The following MARK2 variants were observed in gnomAD, a reference collection of about 807,000 sequenced individuals.
MARK2 encodes serine/threonine-protein kinase MARK2.
In MARK2, 16 loss-of-function variants were observed where a neutral mutation model predicts 89.8. The observed-to-expected ratio is 0.18, with a 90% CI of 0.12 to 0.27. The LOEUF is 0.27. Ranked by LOEUF, MARK2 falls within the 10% of genes least tolerant of loss-of-function variation. The probability of loss-of-function intolerance (pLI) is 1.00; values close to 1 mark genes in which losing one functional copy is unlikely to be tolerated. For synonymous variants in MARK2, 382 were observed against 399.5 expected (o/e 0.96, Z 0.52); for missense variants, 621 against 1,049.9 (o/e 0.59, Z 5.65).
Position 63,902,477 on chromosome 11 carries a change from C to A in MARK2, c.1235-124C>A. Reference sequence around the variant, plus strand: ...GGCTATGGGCAAGCCACTTCCCTTCCCTCGCCTCTGTGGAATGGGGGCTTG... The same window carrying A: ...GGCTATGGGCAAGCCACTTCCCTTCACTCGCCTCTGTGGAATGGGGGCTTG... On this transcript the variant is annotated intron_variant, in intron 12 of 18. Coordinates refer to ENST00000402010, the MANE Select transcript of MARK2 (RefSeq NM_001039469.3). The surrounding 1 kb of genome is among the most constrained non-coding windows in gnomAD (Gnocchi z 4.2). The A allele has an allele frequency of 7.3e-7, 1 of 1,377,802 alleles. No individual in the cohort carries two copies. The highest frequency in any genetic ancestry group is 1.0e-6 in the Non-Finnish European group (1 of 990,412). 85.3% of individuals were successfully genotyped at this position (1,377,802 alleles called of 1,614,324 possible).
intron 1 of MARK2, among the ~76,000 whole-genome samples, chr11:63,871,457 A>G (rs942698462): frequency 7.9e-5 from 12 of 151,470 alleles, no homozygotes; most frequent in Non-Finnish European, 1.5e-5. Flanking sequence ...GTGTGGGTGA[A>G]GAGTATTCAC....
chr11:63,902,906 C>T lies in MARK2; in HGVS notation c.1416+124C>T, dbSNP rs750867792. On this transcript the variant is annotated intron_variant, in intron 13 of 18. Transcript: ENST00000402010. The surrounding 1 kb of genome is among the most constrained non-coding windows in gnomAD (Gnocchi z 4.2). ...TACTTCTGCTTATAGCAGGAAGCCT[C>T]GCTCCCAGCAGTAAATGCAGAATCC... 19 of 1,067,200 alleles carry T rather than the reference C, an allele frequency of 1.8e-5. No homozygotes were observed. Among genetic ancestry groups the T allele is most frequent in the Admixed American group, 1.5e-4 (8 of 53,026 alleles). 66.1% of individuals were successfully genotyped at this position (1,067,200 alleles called of 1,614,324 possible).
At chr11:63,890,284 AGGG>A (rs1939734031) in intron 1 of MARK2, 3 of 1,344,566 alleles carry the variant, frequency 2.2e-6, no homozygotes, top group Non-Finnish European at 2.9e-6. Flanking sequence ...GCATAGAAGA[AGGG>A]GTGCAGGGGT....
At chr11:63,895,053 C>A (rs967319596) in intron 1 of MARK2, 106 bp from the exon 2 acceptor site, 1 of 835,834 alleles carries the variant, frequency 1.2e-6, no homozygotes, top group Admixed American at 2.5e-5. Context: ...TGCCTACCAG[C>A]CCCCTGGAAT....
At chr11:63,875,420 A>G (rs953523939) in intron 1 of MARK2, among the ~76,000 whole-genome samples, 53 of 151,848 alleles carry the variant, frequency 3.5e-4, no homozygotes, top group African/African-American at 1.1e-3. Context: ...ACGCCCAGCT[A>G]ATTTTTCTTT....
chr11:63,887,105 A>T (rs1939447148), intron 1 of MARK2, among the ~76,000 whole-genome samples: 1 of 152,214 alleles, frequency 6.6e-6, no homozygotes, highest in Non-Finnish European at 1.5e-5. Context: ...AAACATTGTC[A>T]TTCCCAGTGT....
At chr11:63,888,974 C>A (rs778424348) in intron 1 of MARK2, 2 of 1,350,692 alleles carry the variant, frequency 1.5e-6, no homozygotes, top group African/African-American at 1.5e-5. Flanking sequence ...GGTATGTTGT[C>A]CCCCTTTTTA....
intron 1 of MARK2, among the ~76,000 whole-genome samples, chr11:63,845,491 C>T (rs940613374): frequency 6.6e-6 from 1 of 152,170 alleles, no homozygotes; most frequent in Non-Finnish European, 1.5e-5. Context: ...CAGGCCTCCT[C>T]CCAGCTTTCA....
At chr11:63,883,046 A>C (rs1474666092) in intron 1 of MARK2, among the ~76,000 whole-genome samples, 1 of 152,160 alleles carries the variant, frequency 6.6e-6, no homozygotes, top group African/African-American at 2.4e-5. Context: ...GTTGGTCTCC[A>C]TGGTTACGGT....
At chr11:63,901,346 A>C (rs1377797910) in intron 11 of MARK2, among the ~76,000 whole-genome samples, 5 of 151,700 alleles carry the variant, frequency 3.3e-5, no homozygotes, top group Non-Finnish European at 7.4e-5. Context: ...AGATGTGTCT[A>C]GGTCATCGGC....
chr11:63,888,657 C>A, intron 1 of MARK2: 1 of 1,171,834 alleles, frequency 8.5e-7, no homozygotes, highest in Non-Finnish European at 1.1e-6. Context: ...GAGAAGCCAG[C>A]GGGGCTTTGT....
intron 1 of MARK2, among the ~76,000 whole-genome samples, chr11:63,845,146 G>A (rs546883753): frequency 8.5e-5 from 13 of 152,294 alleles, no homozygotes; most frequent in Admixed American, 7.2e-4. Flanking sequence ...CCTTCCCTGA[G>A]ACTGCCTGAT....
rs187626638 is a variant in MARK2 at position 63,851,061 on chromosome 11, C to G, written c.54+11501C>G. Among the ~76,000 whole-genome samples the G allele has an allele frequency of 5.5e-4, 84 of 152,298 alleles. No homozygotes were observed. The Middle Eastern group carries it at 0.02, about 37-fold the overall frequency. ...AGCCCATGATTGTAGGTTCCTTTTT[C>G]CCTCATAGAGTGGCCTTCAAGGGCA... On this transcript the variant is annotated intron_variant, in intron 1 of 18. Transcript: ENST00000402010.
Position 63,895,567 on chromosome 11 carries a change from G to T in MARK2, c.235-13G>T, listed in dbSNP as rs1490192986. 3 of 1,611,122 alleles carry T rather than the reference G, an allele frequency of 1.9e-6. No homozygotes were observed. The highest frequency in any genetic ancestry group is 2.5e-6 in the Non-Finnish European group (3 of 1,178,564). ...CAGAGAAGTGATTTGGGGCCTTTTT[G>T]TCTCATCCTCAGGTAGCTGTGAAGA... On this transcript the variant is annotated splice_polypyrimidine_tract_variant and intron_variant, in intron 2 of 18. Coordinates refer to ENST00000402010, the MANE Select transcript of MARK2 (RefSeq NM_001039469.3).
chr11:63,887,244 G>C (rs143327173), intron 1 of MARK2, among the ~76,000 whole-genome samples: 2 of 152,352 alleles, frequency 1.3e-5, no homozygotes, highest in African/African-American at 4.8e-5. Flanking sequence ...AAACTGGTAA[G>C]GGGGACTGTC....
At chr11:63,844,397 T>C (rs1337817952) in intron 1 of MARK2, among the ~76,000 whole-genome samples, 1 of 152,172 alleles carries the variant, frequency 6.6e-6, no homozygotes, top group East Asian at 1.9e-4. Context: ...GGCAGGAGGA[T>C]GGCTTGAGCT....
intron 1 of MARK2, among the ~76,000 whole-genome samples, chr11:63,861,436 GA>G (rs1234090418): frequency 4.0e-5 from 6 of 148,690 alleles, no homozygotes; most frequent in Non-Finnish European, 7.5e-5. Flanking sequence ...CTCCGTCTCA[GA>G]AAAAAAAAAC....
At chr11:63,895,441 C>A in intron 2 of MARK2, 103 bp downstream of exon 2, 1 of 1,450,028 alleles carries the variant, frequency 6.9e-7, no homozygotes, top group Admixed American at 1.7e-5. Flanking sequence ...GTTTATCCGG[C>A]AGAAATGAGA....
chr11:63,848,928 C>T (rs1335418745), intron 1 of MARK2, among the ~76,000 whole-genome samples: 19 of 151,944 alleles, frequency 1.3e-4, no homozygotes, highest in Admixed American at 3.9e-4. Context: ...AGGATGGTCT[C>T]GATCTCCTGA....
Sources: allele counts gnomAD v4.1 joint callset (sites outside exome capture counted in the v4.1 genomes callset), GRCh38; gene constraint gnomAD v4.1.1; non-coding constraint Gnocchi (gnomAD v3.1); transcripts MANE v1.5; gene names NCBI Gene and HGNC (gene_info 2026-07-23, HGNC 2026-07-21).